Variants in MPP7 observed in about 807,000 individuals in gnomAD.
MPP7 encodes MAGUK p55 subfamily member 7.
In MPP7, 60 loss-of-function variants were observed where a neutral mutation model predicts 76.5. The observed-to-expected ratio is 0.78, with a 90% CI of 0.64 to 0.97. The LOEUF is 0.97. Ranked by LOEUF, MPP7 falls within the 50% of genes least tolerant of loss-of-function variation. The pLI is 0.00. For synonymous variants in MPP7, 237 were observed against 244.5 expected, an observed-to-expected ratio of 0.97 and a Z score of 0.29; for missense variants, 641 against 694.0, an observed-to-expected ratio of 0.92 and a Z score of 0.86.
At chr10:28,322,631 GTGCTCTCTAGAGCACAGCCACAC>G (rs962056672) in intron 2 of MPP7, among the ~76,000 whole-genome samples, 7 of 152,042 alleles carry the variant, frequency 4.6e-5, no homozygotes, top group Non-Finnish European at 8.8e-5. Flanking sequence ...GTAAAACTCA[GTGCTCTCTAGAGCACAGCCACAC>G]TCTGTCACTT....
chr10:28,155,993 T>C (rs997631777), intron 3 of MPP7, among the ~76,000 whole-genome samples: 1 of 152,162 alleles, frequency 6.6e-6, no homozygotes, highest in Non-Finnish European at 1.5e-5. Context: ...TATAGGCCCA[T>C]TGTACGTTAG....
intron 1 of MPP7, among the ~76,000 whole-genome samples, chr10:28,262,214 T>TAC (rs1564741302): frequency 6.6e-5 from 4 of 60,690 alleles, no homozygotes. Context: ...TATACATATA[T>TAC]ATATATATAT....
chr10:28,289,649 G>A (rs537513977), intron 1 of MPP7, among the ~76,000 whole-genome samples: 85 of 152,244 alleles, frequency 5.6e-4, no homozygotes, highest in Admixed American at 9.8e-4. Flanking sequence ...TGCGTGAAAC[G>A]GCAAGGTTCT....
chr10:28,281,104 G>A (rs979434591), intron 1 of MPP7, among the ~76,000 whole-genome samples: 7 of 151,562 alleles, frequency 4.6e-5, no homozygotes, highest in South Asian at 2.1e-4. Context: ...TTTTGAGACA[G>A]GGTCTCACTC....
intron 1 of MPP7, among the ~76,000 whole-genome samples, chr10:28,262,194 T>TATATGTATATAC (rs1839978041): frequency 5.1e-5 from 1 of 19,518 alleles, no homozygotes; most frequent in African/African-American, 1.4e-4. Flanking sequence ...ATTATATATA[T>TATATGTATATAC]ATATATATAT....
intron 3 of MPP7, among the ~76,000 whole-genome samples, chr10:28,175,574 C>T (rs1836833601): frequency 6.6e-6 from 1 of 151,214 alleles, no homozygotes; most frequent in Non-Finnish European, 1.5e-5. Context: ...TTTTAAAAAA[C>T]ATTCTTTAAA....
At chr10:28,171,323 G>A (rs1383519974) in intron 3 of MPP7, among the ~76,000 whole-genome samples, 2 of 152,196 alleles carry the variant, frequency 1.3e-5, no homozygotes, top group Non-Finnish European at 2.9e-5. Flanking sequence ...AAAACCAGAA[G>A]AGGGAAAGTA....
intron 12 of MPP7, among the ~76,000 whole-genome samples, chr10:28,077,891 T>C (rs895441789): frequency 2.0e-5 from 3 of 152,200 alleles, no homozygotes; most frequent in Admixed American, 1.3e-4. Flanking sequence ...CATAGTGAGT[T>C]CTTTTTACAT....
At chr10:28,270,758 T>C (rs1259464779) in intron 1 of MPP7, among the ~76,000 whole-genome samples, 2 of 152,164 alleles carry the variant, frequency 1.3e-5, no homozygotes, top group African/African-American at 4.8e-5. Flanking sequence ...TAAATCAGAG[T>C]TCATCAGAAA....
chr10:28,119,667 A>C lies in MPP7; in HGVS notation c.936T>G (p.Val312=), dbSNP rs1240751681. The change falls in exon 11 of 17, where the codon GTT becomes GTG. Residue 312 remains valine, a synonymous_variant. Coordinates refer to ENST00000683449, the MANE Select transcript of MPP7 (RefSeq NM_001318170.2). ...CAAACTTACATGATTTCCTGTTGGA[A>C]ACTTTCAGGGGCTGAACCAATATTT... ...RPEILVQPLK[V]SNRKSSGFRK... 1 of 1,613,668 alleles carries C rather than the reference A, an allele frequency of 6.2e-7. No individual in the cohort carries two copies. Among genetic ancestry groups the C allele is most frequent in the East Asian group, 2.2e-5 (1 of 44,830 alleles).
rs1327721071 is a variant in MPP7 at position 28,170,494 on chromosome 10, G to C, written c.157-20435C>G. Among the ~76,000 whole-genome samples, 3 of 151,512 alleles carry C rather than the reference G, an allele frequency of 2.0e-5. No homozygotes were observed. In the East Asian group the frequency reaches 5.8e-4, roughly 29 times the overall value. ...TTCCTCTATTTTCTTTATCATCGCT[G>C]CCTGGATCCCCAGTTGAGCACACAT... On this transcript the variant is annotated intron_variant, in intron 3 of 16. Coordinates refer to ENST00000683449, the MANE Select transcript of MPP7 (RefSeq NM_001318170.2).
intron 2 of MPP7, among the ~76,000 whole-genome samples, chr10:28,318,849 G>T (rs1834342678): frequency 6.6e-6 from 1 of 152,186 alleles, no homozygotes; most frequent in Non-Finnish European, 1.5e-5. Flanking sequence ...CAAGCAGTGT[G>T]TGTTTTCTCT....
At chr10:28,108,550 G>C (rs1167636534) in intron 11 of MPP7, among the ~76,000 whole-genome samples, 1 of 152,000 alleles carries the variant, frequency 6.6e-6, no homozygotes, top group African/African-American at 2.4e-5. Context: ...CAAGCTACTT[G>C]CGAGGCTGAG....
At chr10:28,205,826 T>A (rs959613240) in intron 2 of MPP7, among the ~76,000 whole-genome samples, 5 of 152,182 alleles carry the variant, frequency 3.3e-5, no homozygotes, top group African/African-American at 1.2e-4. Flanking sequence ...CTAAAAAGCA[T>A]GTATCAGAAA....
Position 28,262,963 on chromosome 10 carries a change from C to T in MPP7, c.-131-24228G>A, listed in dbSNP as rs143216727. On this transcript the variant is annotated intron_variant, in intron 1 of 16. Coordinates refer to ENST00000683449, the MANE Select transcript of MPP7 (RefSeq NM_001318170.2). ...CCCAGCTACTCAGGAGGCTGAAGCA[C>T]GAGAATCGCTTGAACCCAGGAGGCG... 7.6e-3 allele frequency among the ~76,000 whole-genome samples: 1,162 copies of T among 152,124 alleles called. 12 individuals are homozygous for T. Among genetic ancestry groups the T allele is most frequent in the African/African-American group, 0.026 (1,092 of 41,494 alleles).
At chr10:28,329,404 G>A (rs767690508) in intron 2 of MPP7, among the ~76,000 whole-genome samples, 17 of 151,958 alleles carry the variant, frequency 1.1e-4, no homozygotes, top group African/African-American at 2.9e-4. Context: ...CGAGGCAGGC[G>A]GATCACGAGG....
At chr10:28,174,270 C>A (rs961091479) in intron 3 of MPP7, among the ~76,000 whole-genome samples, 3 of 152,182 alleles carry the variant, frequency 2.0e-5, no homozygotes, top group African/African-American at 7.2e-5. Context: ...CCCACTAAGT[C>A]TCATGTTGAA....
At chr10:28,228,578 C>T in intron 2 of MPP7, among the ~76,000 whole-genome samples, 1 of 151,972 alleles carries the variant, frequency 6.6e-6, no homozygotes, top group East Asian at 1.9e-4. Context: ...CTGGCCTGGC[C>T]AACATGGTGA....
At chr10:28,141,293 G>C (rs1355428538) in intron 5 of MPP7, among the ~76,000 whole-genome samples, 1 of 151,840 alleles carries the variant, frequency 6.6e-6, no homozygotes. Flanking sequence ...AAGCACAGAA[G>C]TATCCCCATA....
Sources: allele counts gnomAD v4.1 joint callset (sites outside exome capture counted in the v4.1 genomes callset), GRCh38; gene constraint gnomAD v4.1.1; transcripts MANE v1.5; gene names NCBI Gene and HGNC (gene_info 2026-07-23, HGNC 2026-07-21).